The following SI variants were observed in gnomAD, a reference collection of about 807,000 sequenced individuals.
The protein encoded by SI is sucrase-isomaltase, intestinal.
SI carries 235 observed loss-of-function variants against 253.3 expected under a neutral mutation model. That is an observed-to-expected ratio of 0.93 (90% CI 0.83 to 1.03). The LOEUF (loss-of-function observed/expected upper bound fraction) is 1.03, where lower values mean the gene tolerates loss of function less well. Among genes scored for constraint, SI ranks in the 50% least tolerant of loss-of-function variants. The probability of loss-of-function intolerance (pLI) is 0.00; values close to 1 mark genes in which losing one functional copy is unlikely to be tolerated. For synonymous variants in SI, 819 were observed against 712.0 expected (o/e 1.15, Z -2.39); for missense variants, 2,442 against 2,211.1 (o/e 1.10, Z -2.09).
In SI at chr3:165,069,004, T is replaced by C. The variant is rs1714403998; in HGVS notation, c.373+74A>G. Reference sequence around the variant, plus strand: ...GGAACATATTTCTTATTTGATTCTATTTAAGGTATTTTCCACATTTTCGCT... The same window carrying C: ...GGAACATATTTCTTATTTGATTCTACTTAAGGTATTTTCCACATTTTCGCT... On this transcript the variant is annotated intron_variant, in intron 4 of 47. Coordinates refer to ENST00000264382, the MANE Select transcript of SI (RefSeq NM_001041.4). 8.9e-6 allele frequency: 10 copies of C among 1,118,708 alleles called. No individual in the cohort carries two copies. In the East Asian group the frequency reaches 2.4e-4, roughly 26 times the overall value. 69.3% of individuals were successfully genotyped at this position (1,118,708 alleles called of 1,614,324 possible). A position where few individuals can be genotyped will look rare whatever the true frequency, so the allele number is the denominator to read the frequency against.
At chr3:165,011,630 C>T (rs952213661) in intron 34 of SI, among the ~76,000 whole-genome samples, 5 of 151,704 alleles carry the variant, frequency 3.3e-5, no homozygotes, top group Non-Finnish European at 7.4e-5. Context: ...ATTTGGCCTA[C>T]GGTGTTGTTA....
At chr3:165,058,898 A>ACACAC in intron 12 of SI, 65 bp downstream of exon 12, 3 of 1,412,414 alleles carry the variant, frequency 2.1e-6, no homozygotes, top group Non-Finnish European at 3.0e-6. Flanking sequence ...GCACATCCAC[A>ACACAC]GAAACTTTAT....
At chr3:165,027,638 A>AT (rs1188030205) in intron 25 of SI, among the ~76,000 whole-genome samples, 1 of 151,588 alleles carries the variant, frequency 6.6e-6, no homozygotes, top group African/African-American at 2.4e-5. Context: ...CATACTAGGG[A>AT]TACGGGGATG....
Position 165,017,837 on chromosome 3 carries a change from C to T in SI, c.3557G>A (p.Arg1186His), listed in dbSNP as rs762898979. 3.3e-5 allele frequency: 53 copies of T among 1,612,774 alleles called. No individual in the cohort carries two copies. Among genetic ancestry groups the T allele is most frequent in the Middle Eastern group, 3.3e-4 (2 of 6,080 alleles). Residue 1186 changes from arginine to histidine, a missense_variant, in exon 30 of 48, where the codon CGT becomes CAT. By Grantham distance (29) the Arg-to-His change is conservative. Coordinates refer to ENST00000264382, the MANE Select transcript of SI (RefSeq NM_001041.4). ...TFQPTPALTY[R>H]TVGGILDFYM... ...AAAATCCAAGATCCCTCCAACTGTA[C>T]GGTAAGTTAGAGCAGGAGTTGGCTG...
At position 165,021,328 on chromosome 3, in the gene SI, G is replaced by A. The variant is rs1711601237; in HGVS notation, c.3155C>T (p.Thr1052Ile). 2 of 1,610,740 alleles carry A rather than the reference G, an allele frequency of 1.2e-6. No homozygotes were observed. Among genetic ancestry groups the A allele is most frequent in the East Asian group, 2.2e-5 (1 of 44,754 alleles). The change falls in exon 27 of 48, where the codon ACC becomes ATC. Residue 1052 changes from threonine to isoleucine, a missense_variant. By Grantham distance (89) the Thr-to-Ile change is moderately conservative. Coordinates refer to ENST00000264382, the MANE Select transcript of SI (RefSeq NM_001041.4). Reference protein sequence around the residue: ...YEVPVPLNIPTTPISTYEDRL... With the variant: ...YEVPVPLNIPITPISTYEDRL... ...GTCTTCATAAGTACTTATTGGGGTG[G>A]TTGGAATGTTTAACGGTACTGGTAC...
chr3:165,060,800 G>A (rs1281286501), intron 9 of SI, among the ~76,000 whole-genome samples: 1 of 144,150 alleles, frequency 6.9e-6, no homozygotes, highest in Admixed American at 7.0e-5. Flanking sequence ...CTTTGGTTTA[G>A]GCTTTTATAT....
chr3:164,982,357 C>T lies in SI; in HGVS notation c.5301G>A (p.Thr1767=), dbSNP rs150131334. 2,132 of 1,612,544 alleles carry T rather than the reference C, an allele frequency of 1.3e-3. 3 individuals are homozygous for T. Among genetic ancestry groups the T allele is most frequent in the Non-Finnish European group, 1.6e-3 (1,838 of 1,178,984 alleles). Residue 1767 remains threonine (T), a synonymous_variant, in exon 47 of 48, where the codon ACG becomes ACA. Coordinates refer to ENST00000264382, the MANE Select transcript of SI (RefSeq NM_001041.4). ...CCCATACATGAAGGGATCCAAGCCT[C>T]GTTTCACTTTTATTTATGTAACCTC... is the stretch of plus-strand genomic sequence containing the variant. ...LKRGYINKSE[T]RLGSLHVWGK...
At chr3:165,011,000 A>T (rs1265321441) in intron 34 of SI, among the ~76,000 whole-genome samples, 1 of 152,066 alleles carries the variant, frequency 6.6e-6, no homozygotes, top group Admixed American at 6.6e-5. Context: ...AAGCTCCCAA[A>T]TTTTTCACAG....
intron 37 of SI, among the ~76,000 whole-genome samples, chr3:165,000,221 C>CT (rs973951745): frequency 3.3e-5 from 5 of 151,034 alleles, no homozygotes; most frequent in Admixed American, 1.3e-4. Context: ...TGGAGGATTT[C>CT]TTTTTTTTCT....
intron 6 of SI, among the ~76,000 whole-genome samples, chr3:165,066,801 A>G (rs1461029886): frequency 6.6e-6 from 1 of 151,984 alleles, no homozygotes; most frequent in East Asian, 1.9e-4. Context: ...TTTAATCTTG[A>G]CAATTGCTTT....
intron 3 of SI, among the ~76,000 whole-genome samples, chr3:165,070,135 G>T (rs1181306453): frequency 6.9e-6 from 1 of 143,894 alleles, no homozygotes; most frequent in African/African-American, 2.5e-5. Flanking sequence ...ATAAGTATAT[G>T]GGATATATGT....
chr3:165,062,870 G>A (rs1354903986), intron 8 of SI, among the ~76,000 whole-genome samples: 1 of 151,992 alleles, frequency 6.6e-6, no homozygotes, highest in Non-Finnish European at 1.5e-5. Flanking sequence ...ATTTCTAAAA[G>A]ACAAAATGTC....
chr3:164,987,177 C>G lies in SI; in HGVS notation c.5158G>C (p.Ala1720Pro). Residue 1720 changes from alanine to proline, a missense_variant, in exon 45 of 48, where the codon GCA becomes CCA. Coordinates refer to ENST00000264382, the MANE Select transcript of SI (RefSeq NM_001041.4). ...TCATCCCAAAACAGAGAACCCTGTG[C>G]CATCTGATTATCATCTGCAGCAACA... ...LIVAADDNQM[A>P]QGSLFWDDGE... 6.2e-7 allele frequency: 1 copy of G among 1,613,680 alleles called. No homozygotes were observed. The highest frequency in any genetic ancestry group is 8.5e-7 in the Non-Finnish European group (1 of 1,179,750).
At chr3:165,078,777 TA>T (rs1368159536), upstream of SI, among the ~76,000 whole-genome samples, 1 of 151,628 alleles carries the variant, frequency 6.6e-6, no homozygotes, top group African/African-American at 2.4e-5. Context: ...ATATTTATTT[TA>T]TATTTGGATT....
chr3:164,998,648 T>C lies in SI; in HGVS notation c.4432A>G (p.Arg1478Gly), dbSNP rs1175510343. 3.1e-6 allele frequency: 5 copies of C among 1,611,296 alleles called. No homozygotes were observed. In the African/African-American group the frequency reaches 4.0e-5, roughly 13 times the overall value. ...GTGGAACGAGAAATTACAATCCCTCTTTTTCCAGTTGTCTTCTGCAATGCA... is the reference window on the plus strand; with the variant it reads ...GTGGAACGAGAAATTACAATCCCTCCTTTTCCAGTTGTCTTCTGCAATGCA... Reference protein sequence around the residue: ...HDALQKTTGKRGIVISRSTYP... With the variant: ...HDALQKTTGKGGIVISRSTYP... The change falls in exon 38 of 48, where the codon AGA becomes GGA. Residue 1478 changes from arginine to glycine, a missense_variant. By Grantham distance (125) the Arg-to-Gly change is moderately radical. Coordinates refer to ENST00000264382, the MANE Select transcript of SI (RefSeq NM_001041.4).
intron 37 of SI, among the ~76,000 whole-genome samples, chr3:165,006,132 G>C (rs1015533164): frequency 6.6e-6 from 1 of 152,110 alleles, no homozygotes; most frequent in Non-Finnish European, 1.5e-5. Context: ...TTTTGAAACA[G>C]AGAGTCTCGC....
rs766550125 is a variant in SI, at chr3:165,023,684, T to C, written c.2985A>G (p.Ile995Met). The change falls in exon 26 of 48, where the codon ATA becomes ATG. Residue 995 changes from isoleucine (I) to methionine (M), a missense_variant. Transcript: ENST00000264382. Reference sequence around the variant, plus strand: ...CAGTATTTAGTTGGAGGTCAGCTGTTATACCCATGGATGAATAGCGAGCTG... The same window carrying C: ...CAGTATTTAGTTGGAGGTCAGCTGTCATACCCATGGATGAATAGCGAGCTG... ...VNSARYSSMG[I>M]TADLQLNTAN... is the part of the protein sequence containing the mutation. The C allele has an allele frequency of 1.1e-5, 17 of 1,610,946 alleles. No individual in the cohort carries two copies. Among genetic ancestry groups the C allele is most frequent in the Non-Finnish European group, 1.3e-5 (15 of 1,177,960 alleles).
chr3:164,994,951 C>T (rs1717942271), intron 40 of SI, among the ~76,000 whole-genome samples: 1 of 151,536 alleles, frequency 6.6e-6, no homozygotes, highest in South Asian at 2.1e-4. Context: ...CACACTCCAG[C>T]TCAAAAGACT....
intron 17 of SI, among the ~76,000 whole-genome samples, chr3:165,042,017 CCTTCAT>C (rs760923730): frequency 2.0e-5 from 3 of 151,994 alleles, no homozygotes; most frequent in Admixed American, 6.6e-5. Context: ...ACCTTCCTTC[CCTTCAT>C]CTTCATCAAG....
Sources: allele counts gnomAD v4.1 joint callset (sites outside exome capture counted in the v4.1 genomes callset), GRCh38; gene constraint gnomAD v4.1.1; transcripts MANE v1.5; gene names NCBI Gene and HGNC (gene_info 2026-07-23, HGNC 2026-07-21).